The following DGKB variants were observed in gnomAD, a reference collection of about 807,000 sequenced individuals.
DGKB encodes diacylglycerol kinase beta.
A neutral mutation model predicts 114.3 loss-of-function variants in DGKB; 67 were observed. The observed-to-expected ratio is 0.59, with a 90% CI of 0.48 to 0.72. The LOEUF (loss-of-function observed/expected upper bound fraction) is 0.72. DGKB is among the 30% of genes least tolerant of loss of function. The probability of loss-of-function intolerance (pLI) is 0.00; values close to 1 mark genes in which losing one functional copy is unlikely to be tolerated. For missense variants in DGKB, 907 were observed against 975.2 expected (o/e 0.93, Z 0.93); for synonymous variants, 398 against 323.1 (o/e 1.23, Z -2.49).
intron 4 of DGKB, among the ~76,000 whole-genome samples, chr7:14,748,037 A>T (rs2128426037): frequency 6.6e-6 from 1 of 152,338 alleles, no homozygotes; most frequent in Admixed American, 6.5e-5. Flanking sequence ...AGACACTAGT[A>T]TTCATCCATG....
chr7:14,419,800 C>A (rs1198656173), intron 21 of DGKB, among the ~76,000 whole-genome samples: 1 of 151,878 alleles, frequency 6.6e-6, no homozygotes, highest in Non-Finnish European at 1.5e-5. Context: ...GTGTAAAATA[C>A]CAAAGCACTG....
At chr7:14,198,940 C>G (rs1450196955) in intron 23 of DGKB, among the ~76,000 whole-genome samples, 1 of 151,992 alleles carries the variant, frequency 6.6e-6, no homozygotes, top group African/African-American at 2.4e-5. Context: ...GTGGAAGGTA[C>G]TAAACTGAAA....
At chr7:14,168,736 G>A (rs760141697) in intron 25 of DGKB, among the ~76,000 whole-genome samples, 14 of 152,288 alleles carry the variant, frequency 9.2e-5, no homozygotes, top group East Asian at 1.9e-4. Context: ...ATGCGTAGCC[G>A]AAATACAAGT....
At chr7:14,690,899 C>G (rs1822731544) in intron 9 of DGKB, among the ~76,000 whole-genome samples, 1 of 152,176 alleles carries the variant, frequency 6.6e-6, no homozygotes, top group East Asian at 1.9e-4. Flanking sequence ...ATCAGAATCA[C>G]AAAGCCATCC....
At chr7:14,191,214 T>C (rs1354356530) in intron 23 of DGKB, 1 of 159,590 alleles carries the variant, frequency 6.3e-6, no homozygotes, top group Non-Finnish European at 1.4e-5. Flanking sequence ...GCATTTCTGG[T>C]TTACACACTG....
intron 20 of DGKB, among the ~76,000 whole-genome samples, chr7:14,557,086 A>G (rs1584791245): frequency 6.6e-6 from 1 of 152,210 alleles, no homozygotes; most frequent in African/African-American, 2.4e-5. Context: ...CCCCGTCCCC[A>G]ATCTCAGACC....
At chr7:14,487,994 G>C (rs1313041128) in intron 20 of DGKB, among the ~76,000 whole-genome samples, 1 of 152,050 alleles carries the variant, frequency 6.6e-6, no homozygotes, top group Non-Finnish European at 1.5e-5. Context: ...TATGAACATT[G>C]TAATGGAATA....
At chr7:14,592,036 T>C (rs1801788845) in intron 17 of DGKB, among the ~76,000 whole-genome samples, 2 of 151,824 alleles carry the variant, frequency 1.3e-5, no homozygotes, top group African/African-American at 4.8e-5. Flanking sequence ...ATACTATCGC[T>C]TACATACAAT....
intron 21 of DGKB, among the ~76,000 whole-genome samples, chr7:14,409,424 G>GAATTGTTTGATATGTACTGTAGATTAA (rs1583716004): frequency 1.3e-4 from 10 of 75,010 alleles, no homozygotes; most frequent in Non-Finnish European, 1.1e-4. Context: ...AGAAAAAGTT[G>GAATTGTTTGATATGTACTGTAGATTAA]AGGCCGGGCG....
chr7:14,694,119 C>A lies in DGKB; in HGVS notation c.667G>T (p.Gly223Ter). The change falls in exon 9 of 26, where the codon GGA becomes TGA. Residue 223 changes from glycine to a stop codon, truncating the protein, a stop_gained. Coordinates refer to ENST00000402815, the MANE Select transcript of DGKB (RefSeq NM_001350709.2). LOFTEE classifies it high-confidence loss of function. ...TVSLEEWIQGGMTTIPLLVLL... is the reference protein window; with the variant it reads ...TVSLEEWIQG ...ACAAGAAGTGGAATCGTTGTCATTC[C>A]TCCTTGAATCCATTCCTCCAGAGAC... 6.3e-7 allele frequency: 1 copy of A among 1,593,174 alleles called. No homozygotes were observed. The highest frequency in any genetic ancestry group is 8.6e-7 in the Non-Finnish European group (1 of 1,168,360).
intron 20 of DGKB, among the ~76,000 whole-genome samples, chr7:14,539,364 C>T (rs1793046544): frequency 6.6e-6 from 1 of 151,990 alleles, no homozygotes; most frequent in African/African-American, 2.4e-5. Flanking sequence ...GTCATGTTTT[C>T]CTTGCACTAA....
intron 1 of DGKB, among the ~76,000 whole-genome samples, chr7:14,931,605 G>A (rs1785023297): frequency 6.6e-6 from 1 of 152,092 alleles, no homozygotes; most frequent in African/African-American, 2.4e-5. Context: ...TGCGGAGGGT[G>A]GAACAGTCCC....
intron 17 of DGKB, among the ~76,000 whole-genome samples, chr7:14,601,910 A>G (rs1000505945): frequency 4.0e-5 from 6 of 151,490 alleles, no homozygotes; most frequent in South Asian, 2.1e-4. Context: ...ACCTCTCTCT[A>G]TGGTCTTCTT....
At chr7:14,966,320 T>C (rs945810698) in intron 1 of DGKB, among the ~76,000 whole-genome samples, 1 of 152,048 alleles carries the variant, frequency 6.6e-6, no homozygotes, top group Non-Finnish European at 1.5e-5. Flanking sequence ...AAAAACTTAC[T>C]AAATAATTTT....
intron 23 of DGKB, among the ~76,000 whole-genome samples, chr7:14,321,916 T>C (rs1243185381): frequency 2.0e-5 from 3 of 152,254 alleles, no homozygotes; most frequent in African/African-American, 7.2e-5. Context: ...GTTCACCATT[T>C]AGAAGACTCA....
In DGKB at chr7:14,151,429, A is replaced by T. The variant is rs1268160760; in HGVS notation, c.2305-2191T>A. Among the ~76,000 whole-genome samples, 12 of 151,598 alleles carry T rather than the reference A, an allele frequency of 7.9e-5. No individual in the cohort carries two copies. In the Admixed American group the frequency reaches 7.9e-4, roughly 10 times the overall value. ...GTGTTTTTTTTTGGCGGGGGCATATAAATTTTGTTTATGACTATTCTTATA... is the reference window on the plus strand; with the variant it reads ...GTGTTTTTTTTTGGCGGGGGCATATTAATTTTGTTTATGACTATTCTTATA... On this transcript the variant is annotated intron_variant, in intron 25 of 25. Transcript: ENST00000402815.
At chr7:14,149,806 A>G (rs1562473718) in intron 25 of DGKB, among the ~76,000 whole-genome samples, 1 of 152,186 alleles carries the variant, frequency 6.6e-6, no homozygotes, top group Non-Finnish European at 1.5e-5. Flanking sequence ...ATGATGAACT[A>G]GCTTTCTAAT....
At chr7:14,475,624 G>A (rs1188108558) in intron 21 of DGKB, among the ~76,000 whole-genome samples, 3 of 152,094 alleles carry the variant, frequency 2.0e-5, no homozygotes, top group African/African-American at 7.2e-5. Flanking sequence ...ATTTTAGAGA[G>A]CATTTTCTAT....
chr7:14,598,913 C>T (rs1034916650), intron 17 of DGKB, among the ~76,000 whole-genome samples: 1 of 152,088 alleles, frequency 6.6e-6, no homozygotes, highest in Non-Finnish European at 1.5e-5. Context: ...ATTTGTGACC[C>T]TTTGCAACTC....
Sources: allele counts gnomAD v4.1 joint callset (sites outside exome capture counted in the v4.1 genomes callset), GRCh38; gene constraint gnomAD v4.1.1; transcripts MANE v1.5; gene names NCBI Gene and HGNC (gene_info 2026-07-23, HGNC 2026-07-21).